MAGI1: variants seen among roughly 807,000 people sequenced by gnomAD.
MAGI1 encodes membrane associated guanylate kinase, WW and PDZ domain containing 1, also known as membrane-associated guanylate kinase, WW and PDZ domain-containing protein 1.
Under a neutral mutation model 139.9 loss-of-function variants are expected in MAGI1, and 58 were observed. The ratio of observed to expected loss-of-function variants is 0.41; its 90% CI spans 0.34 to 0.52. MAGI1 has a LOEUF of 0.52. Ranked by LOEUF, MAGI1 falls within the 20% of genes least tolerant of loss-of-function variation. The pLI is 0.12. For missense variants in MAGI1, 1,874 were observed against 1,901.6 expected (o/e 0.99, Z 0.27); for synonymous variants, 812 against 737.9 (o/e 1.10, Z -1.63).
chr3:65,895,445 C>G (rs2060928916), intron 1 of MAGI1, among the ~76,000 whole-genome samples: 1 of 152,180 alleles, frequency 6.6e-6, no homozygotes. Flanking sequence ...CTGCCACCCT[C>G]AGGGTCAGAG....
At chr3:66,035,539 T>C (rs1324420745) in intron 1 of MAGI1, among the ~76,000 whole-genome samples, 1 of 152,162 alleles carries the variant, frequency 6.6e-6, no homozygotes, top group East Asian at 1.9e-4. Flanking sequence ...GGGCCATCAT[T>C]ACTGGTAATG....
chr3:65,881,562 G>A (rs2060330083), intron 1 of MAGI1, among the ~76,000 whole-genome samples: 1 of 152,056 alleles, frequency 6.6e-6, no homozygotes, highest in Non-Finnish European at 1.5e-5. Context: ...AGGCGTTGGA[G>A]GCTGTAGTGA....
rs751307588 is a variant in MAGI1, at chr3:65,439,889, C to CTGCTGCTGCTGCTGCTGCTGCTGCTGT, written c.1233_1259dup (p.Gln413_Gln421dup). On this transcript the variant is annotated inframe_insertion, in exon 9 of 23. Coordinates refer to ENST00000402939, the MANE Select transcript of MAGI1 (RefSeq NM_001033057.2). ...AGGAAAGAGGCCAACCTTCTGTCTG[C>CTGCTGCTGCTGCTGCTGCTGCTGCTGT]TGCTGCTGCTGCTGCTGCTGCTGCT... The CTGCTGCTGCTGCTGCTGCTGCTGCTGT allele has an allele frequency of 1.3e-6, 2 of 1,586,634 alleles. No homozygotes were observed. The highest frequency in any genetic ancestry group is 4.6e-5 in the East Asian group (2 of 43,688).
chr3:65,463,528 A>G (rs113635190), intron 5 of MAGI1, among the ~76,000 whole-genome samples: 1,974 of 151,002 alleles, frequency 0.013, 44 homozygotes, highest in African/African-American at 0.045. Flanking sequence ...GGATTTTCAC[A>G]TCGATGTTCA....
chr3:65,863,562 G>T (rs35467656), intron 1 of MAGI1, among the ~76,000 whole-genome samples: 2,820 of 152,224 alleles, frequency 0.019, 42 homozygotes, highest in Non-Finnish European at 0.029. Flanking sequence ...TTCTTTGCAG[G>T]TCAATTACCT....
At chr3:65,935,223 G>A (rs28692656) in intron 1 of MAGI1, among the ~76,000 whole-genome samples, 1,993 of 152,250 alleles carry the variant, frequency 0.013, 39 homozygotes, top group African/African-American at 0.045. Flanking sequence ...CATGTTTTCA[G>A]GCCAAAAGCT....
intron 1 of MAGI1, among the ~76,000 whole-genome samples, chr3:65,951,132 T>C (rs1265609974): frequency 1.3e-5 from 2 of 152,122 alleles, no homozygotes; most frequent in Non-Finnish European, 2.9e-5. Context: ...AGTTCATGAA[T>C]GTATGAATTT....
chr3:65,466,704 G>T (rs1013049414), intron 5 of MAGI1, among the ~76,000 whole-genome samples: 1 of 152,202 alleles, frequency 6.6e-6, no homozygotes, highest in Admixed American at 6.5e-5. Flanking sequence ...TTACTGCCAG[G>T]TGGGGTGGAA....
chr3:65,395,549 C>T (rs941589497), intron 13 of MAGI1, among the ~76,000 whole-genome samples: 21 of 144,268 alleles, frequency 1.5e-4, no homozygotes, highest in African/African-American at 5.2e-4. Flanking sequence ...GGCTGATGCA[C>T]GAGAATCGCT....
chr3:65,578,947 C>G (rs202130480), intron 2 of MAGI1, among the ~76,000 whole-genome samples: 3,701 of 128,158 alleles, frequency 0.029, 77 homozygotes, highest in Admixed American at 0.059. Flanking sequence ...GAGAGAGAGA[C>G]AGAGAGAGAG....
intron 12 of MAGI1, among the ~76,000 whole-genome samples, chr3:65,414,403 T>G (rs1946032041): frequency 6.6e-6 from 1 of 152,178 alleles, no homozygotes; most frequent in Non-Finnish European, 1.5e-5. Context: ...GTGACGAATA[T>G]AACCCCGGCC....
chr3:65,769,566 T>C (rs2037775771), intron 1 of MAGI1, among the ~76,000 whole-genome samples: 1 of 152,106 alleles, frequency 6.6e-6, no homozygotes, highest in Non-Finnish European at 1.5e-5. Context: ...CCAGGCCCCA[T>C]CCAGGTACAA....
At chr3:65,434,220 G>A (rs368300828) in intron 10 of MAGI1, among the ~76,000 whole-genome samples, 2 of 152,296 alleles carry the variant, frequency 1.3e-5, no homozygotes, top group African/African-American at 4.8e-5. Context: ...AGTATCACAA[G>A]TATAAATGGA....
Position 65,356,542 on chromosome 3 carries a change from GCT to G in MAGI1, c.4223_4224del (p.Glu1408AlafsTer49). 6.2e-7 allele frequency: 1 copy of G among 1,609,450 alleles called. No homozygotes were observed. Among genetic ancestry groups the G allele is most frequent in the Non-Finnish European group, 8.5e-7 (1 of 1,179,706 alleles). Reference sequence around the variant, plus strand: ...TTGTCCAGGGACCGCTCTCTCCTGCGCTCGGGGGAGCGTGCGCGCCTCCGGTC... The same window carrying G: ...TTGTCCAGGGACCGCTCTCTCCTGCGCGGGGGAGCGTGCGCGCCTCCGGTC... ...STDRRRARSP[E>X]RRRERSLDKR... On this transcript the variant is annotated frameshift_variant, in exon 23 of 23. Coordinates refer to ENST00000402939, the MANE Select transcript of MAGI1 (RefSeq NM_001033057.2). LOFTEE classifies it low-confidence loss of function (END_TRUNC).
intron 1 of MAGI1, 79 bp downstream of exon 1, chr3:66,037,915 GCA>G: frequency 6.6e-7 from 1 of 1,509,262 alleles, no homozygotes; most frequent in Non-Finnish European, 8.9e-7. Flanking sequence ...GAGGAGGGAA[GCA>G]GGAAATCGAG....
chr3:65,956,432 T>C (rs1169092417), intron 1 of MAGI1, among the ~76,000 whole-genome samples: 1 of 152,160 alleles, frequency 6.6e-6, no homozygotes, highest in Non-Finnish European at 1.5e-5. Context: ...TCTAACAAAA[T>C]GGCCCCACCT....
intron 3 of MAGI1, among the ~76,000 whole-genome samples, chr3:65,481,031 T>A (rs1358435022): frequency 1.3e-5 from 2 of 152,232 alleles, no homozygotes; most frequent in African/African-American, 4.8e-5. Context: ...CATACACATT[T>A]TTTTAAATGC....
chr3:65,429,161 A>G (rs1021788740), intron 12 of MAGI1, among the ~76,000 whole-genome samples: 1 of 151,992 alleles, frequency 6.6e-6, no homozygotes, highest in African/African-American at 2.4e-5. Flanking sequence ...TGGGGTCTCA[A>G]TATGTTGCCC....
At chr3:65,480,909 T>C (rs565873007) in intron 3 of MAGI1, among the ~76,000 whole-genome samples, 67 of 152,260 alleles carry the variant, frequency 4.4e-4, no homozygotes, top group African/African-American at 1.5e-3. Flanking sequence ...TTTTTTAAGA[T>C]AAAAAGTTTT....
Sources: allele counts gnomAD v4.1 joint callset (sites outside exome capture counted in the v4.1 genomes callset), GRCh38; gene constraint gnomAD v4.1.1; transcripts MANE v1.5; gene names NCBI Gene and HGNC (gene_info 2026-07-23, HGNC 2026-07-21).